The following SGMS1 variants were observed in gnomAD, a reference collection of about 807,000 sequenced individuals.
SGMS1 encodes phosphatidylcholine:ceramide cholinephosphotransferase 1.
A neutral mutation model predicts 46.2 loss-of-function variants in SGMS1; 13 were observed. That is an observed-to-expected ratio of 0.28 (90% confidence interval 0.18 to 0.45). The LOEUF (loss-of-function observed/expected upper bound fraction) is 0.45. Ranked by LOEUF, SGMS1 falls within the 20% of genes least tolerant of loss-of-function variation. The pLI is 1.00. For synonymous variants in SGMS1, 203 were observed against 187.8 expected (o/e 1.08, Z -0.66); for missense variants, 324 against 519.9 (o/e 0.62, Z 3.66).
chr10:50,343,745 C>G lies in SGMS1; in HGVS notation c.370G>C (p.Glu124Gln). Residue 124 changes from glutamate to glutamine, a missense_variant, in exon 7 of 11, where the codon GAG becomes CAG. Glu to Gln is a conservative substitution (Grantham distance 29). Transcript: ENST00000361781. ...CACTCCATGGGGTACTGAGAGCGCT[C>G]CAGTTCTGGCATGGGGATCTTTATC... ...EMIKIPMPEL[E>Q]RSQYPMEWGK... 6.2e-7 allele frequency: 1 copy of G among 1,614,142 alleles called. No homozygotes were observed. Among genetic ancestry groups the G allele is most frequent in the Non-Finnish European group, 8.5e-7 (1 of 1,180,038 alleles).
intron 5 of SGMS1, among the ~76,000 whole-genome samples, chr10:50,454,130 G>A (rs1368704148): frequency 1.3e-5 from 2 of 151,510 alleles, no homozygotes; most frequent in Non-Finnish European, 2.9e-5. Context: ...AACAGAAAGG[G>A]GAATAGAGAG....
intron 6 of SGMS1, among the ~76,000 whole-genome samples, chr10:50,390,177 T>G (rs570719037): frequency 8.5e-5 from 13 of 152,342 alleles, no homozygotes; most frequent in African/African-American, 3.1e-4. Flanking sequence ...ATTCAAACTA[T>G]TCGGTACTAC....
chr10:50,479,807 A>G (rs1224300232), intron 3 of SGMS1, among the ~76,000 whole-genome samples: 1 of 152,106 alleles, frequency 6.6e-6, no homozygotes, highest in Admixed American at 6.5e-5. Context: ...ATATGGATAC[A>G]TCCTTTAATG....
rs556624139 is a variant in SGMS1 at position 50,449,705 on chromosome 10, CTCT to C, written c.-313+10965_-313+10967del. Among the ~76,000 whole-genome samples the C allele has an allele frequency of 8.3e-4, 126 of 152,074 alleles. 3 individuals carry two copies. The South Asian group carries it at 0.012, about 15-fold the overall frequency. On this transcript the variant is annotated intron_variant, in intron 5 of 10. Coordinates refer to ENST00000361781, the MANE Select transcript of SGMS1 (RefSeq NM_147156.4). ...TTAGACTTACACTCCCCATCCACTT[CTCT>C]TCTTTATTTTTTGCCATAGCCTCTG... is the stretch of plus-strand genomic sequence containing the variant.
intron 6 of SGMS1, among the ~76,000 whole-genome samples, chr10:50,402,925 C>A (rs993214681): frequency 3.3e-5 from 5 of 152,036 alleles, no homozygotes; most frequent in Admixed American, 2.6e-4. Context: ...CCACTCTGTA[C>A]GTCCCTGTGT....
intron 8 of SGMS1, among the ~76,000 whole-genome samples, chr10:50,322,927 G>T (rs939891197): frequency 3.3e-5 from 5 of 151,766 alleles, no homozygotes; most frequent in African/African-American, 9.7e-5. Context: ...AGAGTAACAT[G>T]GGCTAATCAA....
intron 6 of SGMS1, among the ~76,000 whole-genome samples, chr10:50,416,932 C>T (rs1051347565): frequency 2.7e-5 from 4 of 150,274 alleles, no homozygotes; most frequent in Non-Finnish European, 5.9e-5. Flanking sequence ...CTCTCCATGA[C>T]AGTCTATCTT....
chr10:50,335,391 C>T (rs1847699541), intron 7 of SGMS1: 1 of 152,254 alleles, frequency 6.6e-6, no homozygotes, highest in Non-Finnish European at 1.5e-5. Context: ...AGTACTCTGT[C>T]AAGTGCTTTA....
At chr10:50,572,458 G>T (rs1838344577) in intron 2 of SGMS1, among the ~76,000 whole-genome samples, 1 of 152,084 alleles carries the variant, frequency 6.6e-6, no homozygotes. Flanking sequence ...AATGTGCTCT[G>T]CAGTGTTGTC....
At chr10:50,479,132 C>T (rs1051034076) in intron 3 of SGMS1, among the ~76,000 whole-genome samples, 1 of 151,820 alleles carries the variant, frequency 6.6e-6, no homozygotes, top group Non-Finnish European at 1.5e-5. Flanking sequence ...CAGTAATGCA[C>T]CATCTTTTGC....
At chr10:50,595,271 G>T (rs1289473981) in intron 1 of SGMS1, among the ~76,000 whole-genome samples, 1 of 152,050 alleles carries the variant, frequency 6.6e-6, no homozygotes, top group Non-Finnish European at 1.5e-5. Flanking sequence ...CACCTCCCAG[G>T]TTCAAGCAAT....
At chr10:50,553,458 C>A (rs1339327460) in intron 2 of SGMS1, among the ~76,000 whole-genome samples, 1 of 151,706 alleles carries the variant, frequency 6.6e-6, no homozygotes, top group African/African-American at 2.4e-5. Context: ...AATGAAAACT[C>A]AATAAAAGAA....
intron 2 of SGMS1, among the ~76,000 whole-genome samples, chr10:50,561,181 T>C (rs1337546777): frequency 6.6e-6 from 1 of 152,228 alleles, no homozygotes; most frequent in Non-Finnish European, 1.5e-5. Context: ...TCAACATTTC[T>C]CTGGGTCTTT....
intron 3 of SGMS1, among the ~76,000 whole-genome samples, chr10:50,503,908 T>C (rs1837683034): frequency 1.3e-5 from 2 of 152,218 alleles, no homozygotes; most frequent in South Asian, 2.1e-4. Flanking sequence ...ACAGAGCAGA[T>C]TATCAAGATC....
chr10:50,554,123 A>G (rs1297417395), intron 2 of SGMS1, among the ~76,000 whole-genome samples: 1 of 152,232 alleles, frequency 6.6e-6, no homozygotes, highest in Non-Finnish European at 1.5e-5. Context: ...CTAATTAAAA[A>G]TATGGGATCA....
intron 2 of SGMS1, among the ~76,000 whole-genome samples, chr10:50,567,480 G>T (rs1307421126): frequency 6.6e-6 from 1 of 152,124 alleles, no homozygotes; most frequent in Non-Finnish European, 1.5e-5. Flanking sequence ...TTTAATCAGT[G>T]ACTTTAAAAT....
At chr10:50,614,364 A>T (rs1838777896) in intron 1 of SGMS1, among the ~76,000 whole-genome samples, 1 of 152,174 alleles carries the variant, frequency 6.6e-6, no homozygotes, top group Non-Finnish European at 1.5e-5. Flanking sequence ...GGACCACATG[A>T]GTTCAGTTTT....
At chr10:50,537,428 C>CT (rs941980671) in intron 2 of SGMS1, among the ~76,000 whole-genome samples, 5 of 144,556 alleles carry the variant, frequency 3.5e-5, no homozygotes, top group East Asian at 2.3e-4. Context: ...TGTTTCTTTT[C>CT]TTTTTTTTCT....
chr10:50,581,298 G>A (rs967370852), intron 2 of SGMS1, among the ~76,000 whole-genome samples: 8 of 152,216 alleles, frequency 5.3e-5, no homozygotes, highest in South Asian at 4.1e-4. Flanking sequence ...GCAGTACAGC[G>A]TCTGTGATGC....
Sources: allele counts gnomAD v4.1 joint callset (sites outside exome capture counted in the v4.1 genomes callset), GRCh38; gene constraint gnomAD v4.1.1; transcripts MANE v1.5; gene names NCBI Gene and HGNC (gene_info 2026-07-23, HGNC 2026-07-21).